The following CDH12 variants were observed in gnomAD, a reference collection of about 807,000 sequenced individuals.
CDH12 encodes cadherin-12.
A neutral mutation model predicts 74.1 loss-of-function variants in CDH12; 41 were observed. The observed-to-expected ratio is 0.55, with a 90% CI of 0.43 to 0.72. The LOEUF (loss-of-function observed/expected upper bound fraction) is 0.72, where lower values mean the gene tolerates loss of function less well. Ranked by LOEUF, CDH12 falls within the 30% of genes least tolerant of loss-of-function variation. The pLI, the probability that CDH12 is intolerant of heterozygous loss-of-function variation, is 0.00. For missense variants in CDH12, 945 were observed against 977.2 expected (o/e 0.97, Z 0.44); for synonymous variants, 399 against 355.0 (o/e 1.12, Z -1.39).
intron 6 of CDH12, among the ~76,000 whole-genome samples, chr5:21,857,670 C>A (rs1235094493): frequency 6.6e-6 from 1 of 151,782 alleles, no homozygotes; most frequent in Non-Finnish European, 1.5e-5. Context: ...TCAGGAGATG[C>A]CCACATGATA....
intron 4 of CDH12, among the ~76,000 whole-genome samples, chr5:22,122,018 T>A (rs945410006): frequency 6.6e-6 from 1 of 152,048 alleles, no homozygotes; most frequent in Non-Finnish European, 1.5e-5. Flanking sequence ...TGATCCCACA[T>A]GGCAGCAATT....
chr5:22,799,482 T>TTA (rs1379927309), intron 1 of CDH12, among the ~76,000 whole-genome samples: 1 of 152,216 alleles, frequency 6.6e-6, no homozygotes, highest in Non-Finnish European at 1.5e-5. Context: ...TTTATTAACT[T>TTA]GTTAGAGTTA....
chr5:22,826,033 C>T (rs977417219), intron 1 of CDH12, among the ~76,000 whole-genome samples: 2 of 152,278 alleles, frequency 1.3e-5, no homozygotes, highest in African/African-American at 4.8e-5. Flanking sequence ...GGCCAGTGTA[C>T]TAGAGGACAT....
In CDH12 at chr5:22,386,641, G is replaced by A. The variant is rs752251688; in HGVS notation, c.-333+18616C>T. ...TATCTAGAGTTCTTTTATTATCAGG[G>A]AAAAAAATCATTATTTAAATGTGAT... On this transcript the variant is annotated intron_variant, in intron 3 of 14. Coordinates refer to ENST00000382254, the MANE Select transcript of CDH12 (RefSeq NM_004061.5). Among the ~76,000 whole-genome samples the A allele has an allele frequency of 6.8e-4, 103 of 151,654 alleles. 1 individual carries two copies. Among genetic ancestry groups the A allele is most frequent in the South Asian group, 2.9e-3 (14 of 4,788 alleles).
chr5:22,816,308 G>A (rs964413613), intron 1 of CDH12, among the ~76,000 whole-genome samples: 6 of 152,134 alleles, frequency 3.9e-5, no homozygotes, highest in African/African-American at 1.4e-4. Flanking sequence ...ACTTTCCAGA[G>A]GAATCCTGAC....
At chr5:22,033,563 C>G (rs1404873441) in intron 5 of CDH12, among the ~76,000 whole-genome samples, 3 of 152,126 alleles carry the variant, frequency 2.0e-5, no homozygotes, top group African/African-American at 7.2e-5. Context: ...ATGGAAATAT[C>G]TAATATGACT....
chr5:21,982,454 T>C (rs997720901), intron 5 of CDH12, among the ~76,000 whole-genome samples: 1 of 151,620 alleles, frequency 6.6e-6, no homozygotes, highest in African/African-American at 2.4e-5. Context: ...TATAGAGATA[T>C]ATATTGATAT....
intron 4 of CDH12, among the ~76,000 whole-genome samples, chr5:22,116,890 T>C (rs1419918960): frequency 1.4e-5 from 2 of 141,550 alleles, no homozygotes; most frequent in East Asian, 2.1e-4. Context: ...TTTTTTTTAA[T>C]GCCAGTGAAC....
intron 1 of CDH12, among the ~76,000 whole-genome samples, chr5:22,701,438 C>T (rs4513651): frequency 0.63 from 96,111 of 151,814 alleles, 30,650 homozygotes; most frequent in Admixed American, 0.71. Flanking sequence ...ATTGTCACTT[C>T]TCATATTAAA....
At chr5:22,480,522 C>A (rs1469551823) in intron 2 of CDH12, among the ~76,000 whole-genome samples, 1 of 150,886 alleles carries the variant, frequency 6.6e-6, no homozygotes, top group African/African-American at 2.4e-5. Flanking sequence ...GAATTTGAGG[C>A]TGCAGTGAGC....
intron 1 of CDH12, among the ~76,000 whole-genome samples, chr5:22,691,120 A>G (rs553480036): frequency 6.6e-6 from 1 of 152,220 alleles, no homozygotes; most frequent in African/African-American, 2.4e-5. Flanking sequence ...ATAAAATCAT[A>G]AAGTGTTTTA....
At chr5:22,062,319 A>C (rs1741248829) in intron 5 of CDH12, among the ~76,000 whole-genome samples, 1 of 152,144 alleles carries the variant, frequency 6.6e-6, no homozygotes, top group South Asian at 2.1e-4. Flanking sequence ...TTTGCCAGGA[A>C]CATTAGTATA....
chr5:21,854,309 G>A (rs917014092), intron 7 of CDH12, among the ~76,000 whole-genome samples: 1 of 151,542 alleles, frequency 6.6e-6, no homozygotes, highest in Non-Finnish European at 1.5e-5. Context: ...ACCATGTATT[G>A]TTAAAGCCCA....
intron 6 of CDH12, among the ~76,000 whole-genome samples, chr5:21,909,828 AT>A (rs1403510762): frequency 1.3e-5 from 2 of 152,164 alleles, no homozygotes; most frequent in Non-Finnish European, 2.9e-5. Flanking sequence ...TTGTCCTGAT[AT>A]TTTTGCATTT....
At chr5:22,606,304 A>G (rs1454767063) in intron 1 of CDH12, among the ~76,000 whole-genome samples, 1 of 151,912 alleles carries the variant, frequency 6.6e-6, no homozygotes, top group Non-Finnish European at 1.5e-5. Context: ...TGTAGTACCA[A>G]CTCCCTGTGC....
intron 1 of CDH12, among the ~76,000 whole-genome samples, chr5:22,542,313 C>T (rs1738141114): frequency 6.6e-6 from 1 of 152,134 alleles, no homozygotes; most frequent in Non-Finnish European, 1.5e-5. Context: ...TACAACCTGT[C>T]CCTGAAATCC....
intron 1 of CDH12, among the ~76,000 whole-genome samples, chr5:22,707,630 T>C (rs1454112887): frequency 1.3e-5 from 2 of 152,182 alleles, no homozygotes; most frequent in Non-Finnish European, 2.9e-5. Flanking sequence ...AGGAAATACA[T>C]ATTTTTAATA....
intron 1 of CDH12, among the ~76,000 whole-genome samples, chr5:22,840,315 G>T (rs1354338070): frequency 6.6e-6 from 1 of 151,852 alleles, no homozygotes; most frequent in African/African-American, 2.4e-5. Flanking sequence ...GTAGAGACGG[G>T]GTTTCACTGT....
chr5:22,526,564 A>G (rs1737291750), intron 1 of CDH12, among the ~76,000 whole-genome samples: 1 of 152,154 alleles, frequency 6.6e-6, no homozygotes, highest in African/African-American at 2.4e-5. Context: ...TTGTTCAAGA[A>G]ATGAAAACAC....
Sources: allele counts gnomAD v4.1 joint callset (sites outside exome capture counted in the v4.1 genomes callset), GRCh38; gene constraint gnomAD v4.1.1; transcripts MANE v1.5; gene names NCBI Gene and HGNC (gene_info 2026-07-23, HGNC 2026-07-21).